CDH18: variants seen among roughly 807,000 people sequenced by gnomAD.
The protein encoded by CDH18 is cadherin 18.
CDH18 carries 31 observed loss-of-function variants against 67.9 expected under a neutral mutation model. The ratio of observed to expected loss-of-function variants is 0.46; its 90% CI spans 0.34 to 0.62. CDH18 has a LOEUF of 0.62. Ranked by LOEUF, CDH18 falls within the 20% of genes least tolerant of loss-of-function variation. The probability of loss-of-function intolerance (pLI) is 0.01; values close to 1 mark genes in which losing one functional copy is unlikely to be tolerated. For synonymous variants in CDH18, 362 were observed against 347.2 expected (o/e 1.04, Z -0.48); for missense variants, 890 against 975.5 (o/e 0.91, Z 1.17).
At chr5:19,558,752 T>C (rs897476435) in intron 8 of CDH18, among the ~76,000 whole-genome samples, 1 of 151,990 alleles carries the variant, frequency 6.6e-6, no homozygotes, top group Non-Finnish European at 1.5e-5. Flanking sequence ...CTATTGACAC[T>C]ATTCCACAAG....
At chr5:20,146,628 A>T (rs1054045961) in intron 2 of CDH18, among the ~76,000 whole-genome samples, 5 of 151,674 alleles carry the variant, frequency 3.3e-5, no homozygotes, top group African/African-American at 7.2e-5. Context: ...AAAAAAAAAA[A>T]AAATAAAATA....
At chr5:19,594,855 G>A (rs773613908) in intron 6 of CDH18, among the ~76,000 whole-genome samples, 11 of 152,000 alleles carry the variant, frequency 7.2e-5, no homozygotes, top group Non-Finnish European at 1.3e-4. Flanking sequence ...AAAGCTTAAT[G>A]CTTTTCCAAT....
intron 11 of CDH18, among the ~76,000 whole-genome samples, chr5:19,494,673 C>T (rs1269428364): frequency 2.0e-5 from 3 of 152,166 alleles, no homozygotes; most frequent in Non-Finnish European, 4.4e-5. Context: ...TTGACCCCTG[C>T]CATGTCCTCT....
At chr5:20,439,680 G>A (rs1196399837) in intron 1 of CDH18, among the ~76,000 whole-genome samples, 1 of 151,628 alleles carries the variant, frequency 6.6e-6, no homozygotes, top group East Asian at 1.9e-4. Context: ...TCGAAACACT[G>A]TTAAGATGGT....
chr5:20,225,704 G>A (rs1741570833), intron 2 of CDH18, among the ~76,000 whole-genome samples: 1 of 152,084 alleles, frequency 6.6e-6, no homozygotes, highest in Non-Finnish European at 1.5e-5. Context: ...AAGTACAGGA[G>A]AGCAAGTACT....
At chr5:20,546,704 G>T (rs1360781958) in intron 1 of CDH18, among the ~76,000 whole-genome samples, 1 of 151,568 alleles carries the variant, frequency 6.6e-6, no homozygotes, top group African/African-American at 2.4e-5. Flanking sequence ...TTCAAGATGA[G>T]ATTTGGGTAG....
intron 2 of CDH18, among the ~76,000 whole-genome samples, chr5:20,228,324 CAA>C (rs1554104869): frequency 6.6e-6 from 1 of 152,002 alleles, no homozygotes; most frequent in Non-Finnish European, 1.5e-5. Flanking sequence ...CATTTGCCTT[CAA>C]AGTCCTCTTC....
At chr5:20,515,530 T>A (rs908564838) in intron 1 of CDH18, among the ~76,000 whole-genome samples, 2 of 152,078 alleles carry the variant, frequency 1.3e-5, no homozygotes, top group Non-Finnish European at 2.9e-5. Flanking sequence ...GATACGCATT[T>A]GTCTGCTCTT....
chr5:20,249,475 C>T (rs1031568612), intron 2 of CDH18, among the ~76,000 whole-genome samples: 13 of 151,166 alleles, frequency 8.6e-5, no homozygotes, highest in Non-Finnish European at 1.6e-4. Flanking sequence ...CTCCGCCTTC[C>T]GGGTTCACGC....
intron 1 of CDH18, among the ~76,000 whole-genome samples, chr5:20,423,765 G>A (rs1019351696): frequency 1.3e-5 from 2 of 149,966 alleles, no homozygotes; most frequent in African/African-American, 2.5e-5. Flanking sequence ...CTAACACGGC[G>A]AAACTACGTC....
intron 4 of CDH18, among the ~76,000 whole-genome samples, chr5:19,723,774 C>T (rs559442148): frequency 4.6e-5 from 7 of 152,114 alleles, no homozygotes; most frequent in African/African-American, 1.2e-4. Context: ...AGTACAATGG[C>T]GCCATCTCGG....
chr5:20,304,167 C>T, intron 1 of CDH18: 2 of 1,539,846 alleles, frequency 1.3e-6, no homozygotes, highest in South Asian at 1.1e-5. Context: ...GGATTTGGAA[C>T]ACAGACAATA....
chr5:20,085,221 C>A (rs1580203208), intron 2 of CDH18, among the ~76,000 whole-genome samples: 1 of 152,104 alleles, frequency 6.6e-6, no homozygotes, highest in African/African-American at 2.4e-5. Flanking sequence ...GTTCAAAGTT[C>A]CACAAATATC....
chr5:20,538,920 T>C (rs1263559937), intron 1 of CDH18, among the ~76,000 whole-genome samples: 2 of 147,048 alleles, frequency 1.4e-5, no homozygotes, highest in African/African-American at 5.0e-5. Context: ...TTTTTTTTTT[T>C]TTTTGTCGCC....
intron 1 of CDH18, among the ~76,000 whole-genome samples, chr5:20,441,492 A>G (rs925933382): frequency 4.0e-5 from 6 of 151,806 alleles, no homozygotes; most frequent in Admixed American, 2.0e-4. Flanking sequence ...AACTACACAG[A>G]GCAAAAAAAA....
chr5:19,724,161 T>G (rs79252223), intron 4 of CDH18, among the ~76,000 whole-genome samples: 5 of 152,174 alleles, frequency 3.3e-5, no homozygotes, highest in Admixed American at 2.0e-4. Flanking sequence ...ACATTCATAC[T>G]ATGAAATATT....
At chr5:20,003,724 C>G (rs1736640300) in intron 2 of CDH18, among the ~76,000 whole-genome samples, 1 of 152,090 alleles carries the variant, frequency 6.6e-6, no homozygotes, top group African/African-American at 2.4e-5. Context: ...AACCCCGTCT[C>G]TACTAAAAAC....
Position 20,081,554 on chromosome 5 carries a change from C to A in CDH18, c.-517-89540G>T, listed in dbSNP as rs566563899. Among the ~76,000 whole-genome samples the A allele has an allele frequency of 2.7e-3, 409 of 152,238 alleles. 3 individuals carry two copies. Among genetic ancestry groups the A allele is most frequent in the African/African-American group, 9.2e-3 (382 of 41,542 alleles). On this transcript the variant is annotated intron_variant, in intron 2 of 14. Coordinates refer to the CDH18 transcript ENST00000507958. ...AAAGACATGGGATCTACCTAGGTGT[C>A]CCTTAACAGTAGACTGAATAAAGAA...
Position 20,376,107 on chromosome 5 carries a change from T to TTTTTTTTTTG in CDH18, c.-579-120603_-579-120602insCAAAAAAAAA, listed in dbSNP as rs1318320616. Reference sequence around the variant, plus strand: ...AAAGAAACAATTTTTTTTTTTTTTTTTTTTGAGACGGAGTCTCCCTCTGTC... The same window carrying TTTTTTTTTTG: ...AAAGAAACAATTTTTTTTTTTTTTTTTTTTTTTTTGTTTTGAGACGGAGTCTCCCTCTGTC... On this transcript the variant is annotated intron_variant, in intron 1 of 14. Transcript: ENST00000507958. 1.1e-4 allele frequency among the ~76,000 whole-genome samples: 12 copies of TTTTTTTTTTG among 112,942 alleles called. 1 individual carries two copies. The highest frequency in any genetic ancestry group is 3.7e-4 in the African/African-American group (12 of 32,630). 74.1% of individuals were successfully genotyped at this position (112,942 alleles called of 152,430 possible).
Sources: allele counts gnomAD v4.1 joint callset (sites outside exome capture counted in the v4.1 genomes callset), GRCh38; gene constraint gnomAD v4.1.1; transcripts MANE v1.5; gene names NCBI Gene and HGNC (gene_info 2026-07-23, HGNC 2026-07-21).